Variants in ALLC observed in about 807,000 individuals in gnomAD.
ALLC encodes the protein allantoicase, also known as probable inactive allantoicase.
A neutral mutation model predicts 45.0 loss-of-function variants in ALLC; 40 were observed. The observed-to-expected ratio is 0.89, with a 90% CI of 0.69 to 1.16. The LOEUF is 1.16. Among genes scored for constraint, ALLC ranks in the 50% most tolerant of loss-of-function variants. The pLI, the probability that ALLC is intolerant of heterozygous loss-of-function variation, is 0.00. For missense variants in ALLC, 488 were observed against 493.1 expected (o/e 0.99, Z 0.10); for synonymous variants, 176 against 178.1 (o/e 0.99, Z 0.09).
chr2:3,665,324 T>C (rs1666677908), intron 1 of ALLC, among the ~76,000 whole-genome samples: 1 of 148,198 alleles, frequency 6.7e-6, no homozygotes, highest in African/African-American at 2.4e-5. Context: ...TTAAATTTTA[T>C]TTTAAGTTCT....
chr2:3,677,876 G>A (rs1558539816), intron 3 of ALLC, among the ~76,000 whole-genome samples: 3 of 152,228 alleles, frequency 2.0e-5, no homozygotes, highest in Admixed American at 1.3e-4. Context: ...CTATTTGAGG[G>A]TCTTTCATGT....
chr2:3,676,097 A>G (rs2148002448), intron 3 of ALLC, among the ~76,000 whole-genome samples: 1 of 152,352 alleles, frequency 6.6e-6, no homozygotes, highest in East Asian at 1.9e-4. Flanking sequence ...TCCGAATACC[A>G]TCACTCTGGG....
chr2:3,651,306 G>GGT, the ALLC span, among the ~76,000 whole-genome samples: 21 of 5,170 alleles, frequency 4.1e-3, no homozygotes, highest in South Asian at 0.017. Flanking sequence ...TTGGGTGGGT[G>GGT]GGTGGGTGGG....
intron 10 of ALLC, among the ~76,000 whole-genome samples, chr2:3,699,731 T>C (rs1334545378): frequency 6.6e-6 from 1 of 152,250 alleles, no homozygotes; most frequent in African/African-American, 2.4e-5. Context: ...GGTTTTGATT[T>C]GCATTTCTCT....
chr2:3,655,739 C>T (rs1198058560), upstream of ALLC, among the ~76,000 whole-genome samples: 1 of 152,228 alleles, frequency 6.6e-6, no homozygotes, highest in African/African-American at 2.4e-5. Flanking sequence ...GGATTATAAG[C>T]ATGGACCACT....
upstream of ALLC, among the ~76,000 whole-genome samples, chr2:3,655,719 C>G (rs865805210): frequency 6.6e-6 from 1 of 152,218 alleles, no homozygotes; most frequent in Non-Finnish European, 1.5e-5. Flanking sequence ...CTCAGCCTCC[C>G]GAAGTGCTGG....
chr2:3,669,409 G>A (rs1666806362), intron 1 of ALLC, among the ~76,000 whole-genome samples: 1 of 152,124 alleles, frequency 6.6e-6, no homozygotes, highest in Admixed American at 6.5e-5. Context: ...AGGAGGCGGC[G>A]GTTGCAGTGA....
chr2:3,695,714 C>T lies in ALLC; in HGVS notation c.512-3C>T. The T allele has an allele frequency of 6.2e-7, 1 of 1,613,974 alleles. No homozygotes were observed. Among genetic ancestry groups the T allele is most frequent in the Non-Finnish European group, 8.5e-7 (1 of 1,179,882 alleles). ...CAATAACTAAGGCACCTTTCCTTTT[C>T]AGATGGTGGAATTGCACGACTTAGA... On this transcript the variant is annotated splice_polypyrimidine_tract_variant and splice_region_variant and intron_variant, in intron 7 of 11. Transcript: ENST00000252505.
intron 3 of ALLC, among the ~76,000 whole-genome samples, chr2:3,675,599 TAC>T (rs1001710125): frequency 3.1e-4 from 46 of 147,902 alleles, no homozygotes; most frequent in African/African-American, 4.4e-4. Flanking sequence ...TATATATATA[TAC>T]ACACACACAC....
intron 1 of ALLC, among the ~76,000 whole-genome samples, chr2:3,663,846 C>A (rs1666632750): frequency 6.6e-6 from 1 of 152,230 alleles, no homozygotes; most frequent in Admixed American, 6.5e-5. Flanking sequence ...TGCTGTCTGG[C>A]AGAACTTTCT....
chr2:3,681,154 A>C (rs1044533248), intron 5 of ALLC, among the ~76,000 whole-genome samples: 31 of 152,280 alleles, frequency 2.0e-4, no homozygotes, highest in African/African-American at 7.5e-4. Flanking sequence ...CTGAACAGGA[A>C]ATGATGCTAC....
chr2:3,691,481 T>C (rs1018892340), intron 7 of ALLC, among the ~76,000 whole-genome samples: 2 of 152,118 alleles, frequency 1.3e-5, no homozygotes, highest in African/African-American at 2.4e-5. Context: ...CAGGCTGGTC[T>C]CAAAATCCTG....
the ALLC span, among the ~76,000 whole-genome samples, chr2:3,651,165 C>T: frequency 4.6e-5 from 7 of 151,820 alleles, no homozygotes; most frequent in African/African-American, 7.3e-5. Context: ...CCGGCGGTGG[C>T]GGCGGATCCG....
intron 2 of ALLC, among the ~76,000 whole-genome samples, chr2:3,671,779 T>G (rs1281236021): frequency 6.9e-6 from 1 of 145,320 alleles, no homozygotes; most frequent in Admixed American, 6.7e-5. Flanking sequence ...CTGGCTCTGG[T>G]TAGATGGGAG....
chr2:3,689,449 C>G (rs996794254), intron 7 of ALLC, among the ~76,000 whole-genome samples: 1 of 150,924 alleles, frequency 6.6e-6, no homozygotes, highest in Admixed American at 6.6e-5. Context: ...AAATTTCCTT[C>G]TTAATTACTG....
At chr2:3,650,417 T>TG in the ALLC span, among the ~76,000 whole-genome samples, 6 of 152,140 alleles carry the variant, frequency 3.9e-5, no homozygotes, top group Non-Finnish European at 8.8e-5. Flanking sequence ...CCAGGACTGA[T>TG]GCTGAGCGCT....
At chr2:3,669,819 G>A (rs1666819679) in intron 1 of ALLC, among the ~76,000 whole-genome samples, 1 of 152,200 alleles carries the variant, frequency 6.6e-6, no homozygotes, top group African/African-American at 2.4e-5. Flanking sequence ...GCTGCGATGG[G>A]GCAGGCTGAG....
the ALLC span, among the ~76,000 whole-genome samples, chr2:3,651,297 T>TTGGGGGGGGGGGG: frequency 5.8e-4 from 1 of 1,718 alleles, no homozygotes; most frequent in African/African-American, 1.4e-3. Context: ...GAATTCTTTT[T>TTGGGGGGGGGGGG]GGGTGGGTGG....
chr2:3,679,912 C>T lies in ALLC; in HGVS notation c.216C>T (p.Ile72=). Residue 72 remains isoleucine (I), a synonymous_variant, in exon 5 of 12, where the codon ATC becomes ATT. Coordinates refer to ENST00000252505, the MANE Select transcript of ALLC (RefSeq NM_018436.4). The part of the protein sequence containing the change: ...CVLRLGIQGV[I]RGFDVDVSYF... ...TCAGGCTGGGGATCCAAGGAGTCAT[C>T]CGGGGCTTCGACGTGGACGTTTCTT... is the stretch of plus-strand genomic sequence containing the variant. The T allele has an allele frequency of 6.2e-7, 1 of 1,613,998 alleles. No homozygotes were observed.
Sources: gnomAD v4.1 joint callset for allele counts (sites outside exome capture counted in the v4.1 genomes callset) on GRCh38, gnomAD v4.1.1 for gene constraint, MANE v1.5 for transcripts, NCBI Gene and HGNC (gene_info 2026-07-23, HGNC 2026-07-21) for gene names.